Variants in RNF220 observed in about 807,000 individuals in gnomAD.
RNF220 encodes the protein E3 ubiquitin-protein ligase RNF220.
Under a neutral mutation model 67.1 loss-of-function variants are expected in RNF220, and 7 were observed. The observed-to-expected ratio is 0.10, with a 90% CI of 0.06 to 0.20. The LOEUF (loss-of-function observed/expected upper bound fraction) is 0.20. RNF220 is among the 10% of genes least tolerant of loss of function. RNF220 has a pLI of 1.00. For synonymous variants in RNF220, 270 were observed against 283.2 expected, an observed-to-expected ratio of 0.95 and a Z score of 0.47; for missense variants, 565 against 740.3, an observed-to-expected ratio of 0.76 and a Z score of 2.75.
chr1:44,436,847 G>C (rs1478371695), intron 2 of RNF220, among the ~76,000 whole-genome samples: 1 of 152,126 alleles, frequency 6.6e-6, no homozygotes, highest in Non-Finnish European at 1.5e-5. Context: ...CCTCTCGTCT[G>C]TTTACCCCTG....
intron 2 of RNF220, among the ~76,000 whole-genome samples, chr1:44,596,688 C>T (rs534520768): frequency 5.3e-5 from 8 of 152,290 alleles, no homozygotes; most frequent in Non-Finnish European, 1.2e-4. Flanking sequence ...ACTTCCAAGG[C>T]AAGGCTCAGC....
intron 4 of RNF220, among the ~76,000 whole-genome samples, chr1:44,625,090 G>A (rs931324070): frequency 6.6e-6 from 1 of 152,062 alleles, no homozygotes; most frequent in Non-Finnish European, 1.5e-5. Flanking sequence ...TTCATGGGCC[G>A]GAGGTCGGGG....
At chr1:44,635,234 G>T in intron 6 of RNF220, 1 of 320,748 alleles carries the variant, frequency 3.1e-6, no homozygotes, top group South Asian at 9.2e-5. Flanking sequence ...CTAGCAACAT[G>T]GAGTGTCTTT....
At chr1:44,552,934 A>G (rs1662780729) in intron 2 of RNF220, among the ~76,000 whole-genome samples, 1 of 151,984 alleles carries the variant, frequency 6.6e-6, no homozygotes, top group Admixed American at 6.5e-5. Flanking sequence ...TTCCAGCCTA[A>G]TCTCTCACCA....
chr1:44,572,900 C>A, intron 2 of RNF220: 1 of 252,720 alleles, frequency 4.0e-6, no homozygotes, highest in Non-Finnish European at 8.6e-6. Context: ...ATGTTGTTCA[C>A]CAAGTAAACA....
At chr1:44,413,420 A>G (rs1027419294) in intron 2 of RNF220, among the ~76,000 whole-genome samples, 4 of 152,220 alleles carry the variant, frequency 2.6e-5, no homozygotes, top group Non-Finnish European at 5.9e-5. Flanking sequence ...GTTCACAACT[A>G]TTATTAATTT....
chr1:44,469,470 A>G (rs1031608294), intron 2 of RNF220, among the ~76,000 whole-genome samples: 3 of 152,180 alleles, frequency 2.0e-5, no homozygotes, highest in Non-Finnish European at 2.9e-5. Context: ...CTTGGAGTTC[A>G]TTTTTCAAAC....
chr1:44,637,777 T>C (rs2148488802), intron 8 of RNF220, among the ~76,000 whole-genome samples: 1 of 152,316 alleles, frequency 6.6e-6, no homozygotes, highest in South Asian at 2.1e-4. Context: ...TTTCAAGAAT[T>C]CCTGAGGGGA....
intron 2 of RNF220, among the ~76,000 whole-genome samples, chr1:44,484,699 C>T (rs1557970736): frequency 6.6e-6 from 1 of 152,146 alleles, no homozygotes; most frequent in Non-Finnish European, 1.5e-5. Flanking sequence ...GTAACTGGGT[C>T]AATCTGATTG....
At position 44,650,940 on chromosome 1, in the gene RNF220, CTG is replaced by C; in HGVS notation, c.*166_*167del. On this transcript the variant is annotated 3_prime_UTR_variant, in exon 15 of 15. Coordinates refer to ENST00000361799, the MANE Select transcript of RNF220 (RefSeq NM_018150.4). This position sits in a 1 kb window ranked among gnomAD's most constrained non-coding sequence, Gnocchi z 4.3. Reference sequence around the variant, plus strand: ...CACACACATTTACACACGCAGGACTCTGGAGCCAGAGTAGAGGCTGTGGCCCA... The same window carrying C: ...CACACACATTTACACACGCAGGACTCGAGCCAGAGTAGAGGCTGTGGCCCA... 3 of 658,544 alleles carry C rather than the reference CTG, an allele frequency of 4.6e-6. No individual in the cohort carries two copies. Among genetic ancestry groups the C allele is most frequent in the East Asian group, 5.7e-5 (2 of 34,908 alleles). 40.8% of individuals were successfully genotyped at this position (658,544 alleles called of 1,614,324 possible). A position where few individuals can be genotyped will look rare whatever the true frequency, so the allele number is the denominator to read the frequency against.
At chr1:44,478,780 A>C (rs1438277775) in intron 2 of RNF220, among the ~76,000 whole-genome samples, 1 of 152,076 alleles carries the variant, frequency 6.6e-6, no homozygotes, top group Non-Finnish European at 1.5e-5. Context: ...GCAGTTCTGA[A>C]ATTCTACTGG....
chr1:44,454,317 T>C (rs1652962574), intron 2 of RNF220, among the ~76,000 whole-genome samples: 2 of 152,218 alleles, frequency 1.3e-5, no homozygotes. Flanking sequence ...GTTAATGTTC[T>C]ACTCAGGTTT....
intron 2 of RNF220, among the ~76,000 whole-genome samples, chr1:44,420,845 ACAT>A (rs1649129541): frequency 1.3e-5 from 2 of 152,234 alleles, no homozygotes; most frequent in Non-Finnish European, 2.9e-5. Flanking sequence ...AGTTTCTCAC[ACAT>A]ACTAAGTATT....
rs372231205 is a variant in RNF220, at chr1:44,509,587, G to T, written c.625+96865G>T. Among the ~76,000 whole-genome samples, 4 of 149,406 alleles carry T rather than the reference G, an allele frequency of 2.7e-5. No homozygotes were observed. The East Asian group carries it at 7.9e-4, about 30-fold the overall frequency. On this transcript the variant is annotated intron_variant, in intron 2 of 14. Transcript: ENST00000361799. ...AAAGAAATAAATAAATAAAAGAAAAGAAAAAGAAAATACGCATAGGCTGGG... is the reference window on the plus strand; with the variant it reads ...AAAGAAATAAATAAATAAAAGAAAATAAAAAGAAAATACGCATAGGCTGGG...
intron 2 of RNF220, among the ~76,000 whole-genome samples, chr1:44,547,816 G>A (rs1018990930): frequency 2.0e-5 from 3 of 151,914 alleles, no homozygotes; most frequent in East Asian, 1.9e-4. Context: ...CACCTTCAGC[G>A]GTCATTATTT....
At chr1:44,561,686 G>A (rs1217110068) in intron 2 of RNF220, among the ~76,000 whole-genome samples, 1 of 152,180 alleles carries the variant, frequency 6.6e-6, no homozygotes, top group Non-Finnish European at 1.5e-5. Flanking sequence ...GGAGACTGAG[G>A]CAGGAGGACT....
chr1:44,556,998 C>T (rs1441421800), intron 2 of RNF220, among the ~76,000 whole-genome samples: 1 of 151,776 alleles, frequency 6.6e-6, no homozygotes, highest in Non-Finnish European at 1.5e-5. Flanking sequence ...ATGGCTGAAA[C>T]AATCCCTCCG....
At chr1:44,432,639 T>C (rs1009555757) in intron 2 of RNF220, among the ~76,000 whole-genome samples, 7 of 152,020 alleles carry the variant, frequency 4.6e-5, no homozygotes, top group Admixed American at 3.3e-4. Flanking sequence ...TTCACAGGTG[T>C]GATTATAGTA....
chr1:44,478,263 A>G (rs1655465840), intron 2 of RNF220, among the ~76,000 whole-genome samples: 1 of 151,810 alleles, frequency 6.6e-6, no homozygotes, highest in African/African-American at 2.4e-5. Flanking sequence ...CCCAATTTTT[A>G]CTCAAATCAT....
Sources: gnomAD v4.1 joint callset for allele counts (sites outside exome capture counted in the v4.1 genomes callset) on GRCh38, gnomAD v4.1.1 for gene constraint, Gnocchi (gnomAD v3.1) non-coding constraint, MANE v1.5 for transcripts, NCBI Gene and HGNC (gene_info 2026-07-23, HGNC 2026-07-21) for gene names.